Variants in NEO1 observed in about 807,000 individuals in gnomAD.
NEO1 encodes neogenin.
A neutral mutation model predicts 159.7 loss-of-function variants in NEO1; 63 were observed. That is an observed-to-expected ratio of 0.39 (90% CI 0.32 to 0.49). The LOEUF is 0.49. Ranked by LOEUF, NEO1 falls within the 20% of genes least tolerant of loss-of-function variation. NEO1 has a pLI of 0.85. For synonymous variants in NEO1, 633 were observed against 662.0 expected, an observed-to-expected ratio of 0.96 and a Z score of 0.67; for missense variants, 1,615 against 1,831.0, an observed-to-expected ratio of 0.88 and a Z score of 2.15.
rs2037266131 is a variant in NEO1, at chr15:73,206,862, TG to T, written c.1291+28436del. 2.0e-5 allele frequency among the ~76,000 whole-genome samples: 3 copies of T among 152,116 alleles called. No individual in the cohort carries two copies. The South Asian group carries it at 6.2e-4, about 32-fold the overall frequency. Reference sequence around the variant, plus strand: ...GTGTGTGTGTGCGTGTGTGTGTGTGTGTGTTTAGAGAGACAGGGTTTCACTT... The same window carrying T: ...GTGTGTGTGTGCGTGTGTGTGTGTGTTGTTTAGAGAGACAGGGTTTCACTT... On this transcript the variant is annotated intron_variant, in intron 7 of 28. Coordinates refer to ENST00000261908, the MANE Select transcript of NEO1 (RefSeq NM_002499.4).
At chr15:73,248,654 C>T (rs570898381) in intron 9 of NEO1, among the ~76,000 whole-genome samples, 19 of 152,300 alleles carry the variant, frequency 1.2e-4, no homozygotes, top group African/African-American at 3.6e-4. Flanking sequence ...TTAGCACTTA[C>T]GACATTTTTT....
intron 22 of NEO1, among the ~76,000 whole-genome samples, chr15:73,282,294 G>A (rs1014764373): frequency 5.3e-5 from 8 of 151,750 alleles, no homozygotes; most frequent in Non-Finnish European, 1.2e-4. Flanking sequence ...CATATTTATC[G>A]TTTATCCCAT....
intron 23 of NEO1, among the ~76,000 whole-genome samples, chr15:73,285,739 A>C (rs2041919891): frequency 6.6e-6 from 1 of 152,150 alleles, no homozygotes; most frequent in Non-Finnish European, 1.5e-5. Context: ...TTAGCCCCTG[A>C]CTGGCAACAG....
At chr15:73,127,987 A>G (rs1253316130) in intron 4 of NEO1, among the ~76,000 whole-genome samples, 1 of 152,206 alleles carries the variant, frequency 6.6e-6, no homozygotes, top group Non-Finnish European at 1.5e-5. Flanking sequence ...TCAGTATCCA[A>G]GACGTAGAAA....
intron 3 of NEO1, among the ~76,000 whole-genome samples, chr15:73,124,895 A>G: frequency 6.6e-6 from 1 of 152,196 alleles, no homozygotes; most frequent in East Asian, 1.9e-4. Context: ...GAATTTGTTT[A>G]ATTGATTCTA....
chr15:73,185,914 T>C (rs544865090), intron 7 of NEO1, among the ~76,000 whole-genome samples: 1 of 152,018 alleles, frequency 6.6e-6, no homozygotes, highest in Non-Finnish European at 1.5e-5. Context: ...TTTGAATAGA[T>C]AATGGCCAAG....
intron 28 of NEO1, among the ~76,000 whole-genome samples, 193 bp from the exon 29 acceptor site, chr15:73,302,420 T>C (rs1374891808): frequency 6.6e-6 from 1 of 152,184 alleles, no homozygotes; most frequent in Non-Finnish European, 1.5e-5. Context: ...TTGTGCATTA[T>C]CAGGAAACGG....
chr15:73,215,298 G>A (rs930520214), intron 7 of NEO1, among the ~76,000 whole-genome samples: 2 of 151,832 alleles, frequency 1.3e-5, no homozygotes, highest in African/African-American at 2.4e-5. Context: ...TCTCTGGCTA[G>A]GACTTTCCAG....
intron 7 of NEO1, among the ~76,000 whole-genome samples, chr15:73,215,857 G>C (rs1046647090): frequency 1.3e-5 from 2 of 152,130 alleles, no homozygotes; most frequent in Non-Finnish European, 2.9e-5. Context: ...AAAAGGATTG[G>C]TACCAATTCT....
chr15:73,225,040 C>T (rs1347298898), intron 7 of NEO1, among the ~76,000 whole-genome samples: 5 of 152,122 alleles, frequency 3.3e-5, no homozygotes, highest in Non-Finnish European at 7.3e-5. Flanking sequence ...GATGTGGCTT[C>T]CTGAGAGCCA....
intron 1 of NEO1, among the ~76,000 whole-genome samples, chr15:73,081,767 G>T (rs1381258470): frequency 1.3e-5 from 2 of 151,744 alleles, no homozygotes; most frequent in African/African-American, 4.8e-5. Context: ...GTAGAGATAG[G>T]GTCTCACTAT....
intron 5 of NEO1, among the ~76,000 whole-genome samples, chr15:73,139,259 T>G (rs2415142): frequency 0.63 from 95,875 of 151,900 alleles, 31,760 homozygotes; most frequent in African/African-American, 0.84. Context: ...CGTTGGTCTT[T>G]GCAAAGACCA....
At chr15:73,274,044 T>G (rs1056104501) in intron 20 of NEO1, 39 bp downstream of exon 20, 7 of 1,581,120 alleles carry the variant, frequency 4.4e-6, no homozygotes, top group Non-Finnish European at 1.7e-6. Flanking sequence ...TGTGTGTCTC[T>G]TTAGTGGGGC....
At chr15:73,261,831 C>A (rs2040632504) in intron 15 of NEO1, among the ~76,000 whole-genome samples, 1 of 151,962 alleles carries the variant, frequency 6.6e-6, no homozygotes, top group African/African-American at 2.4e-5. Flanking sequence ...CTAGAATAGA[C>A]AATTTTTTTA....
intron 15 of NEO1, among the ~76,000 whole-genome samples, chr15:73,265,408 G>A (rs1017221229): frequency 6.6e-6 from 1 of 152,140 alleles, no homozygotes; most frequent in Non-Finnish European, 1.5e-5. Context: ...TAAAGGTCTG[G>A]TGCTCATAAG....
chr15:73,145,770 A>G (rs920052736), intron 5 of NEO1, among the ~76,000 whole-genome samples: 2 of 152,144 alleles, frequency 1.3e-5, no homozygotes, highest in African/African-American at 4.8e-5. Context: ...CCTCACACCA[A>G]TTAGGAAGAA....
At chr15:73,216,397 G>A (rs562197646) in intron 7 of NEO1, among the ~76,000 whole-genome samples, 1 of 152,220 alleles carries the variant, frequency 6.6e-6, no homozygotes, top group East Asian at 1.9e-4. Flanking sequence ...AAACATACAT[G>A]TGCATGTGTC....
In NEO1 at chr15:73,303,452, T is replaced by G. The variant is rs1051454152; in HGVS notation, c.*756T>G. On this transcript the variant is annotated 3_prime_UTR_variant, in exon 29 of 29. Coordinates refer to ENST00000261908, the MANE Select transcript of NEO1 (RefSeq NM_002499.4). ...TGAAATGTAACATTGAAAAGACTTG[T>G]TTGTTGCTTTCTGTGCAGTTTCAGT... 1 of 152,266 alleles carries G rather than the reference T, an allele frequency of 6.6e-6. No homozygotes were observed. The highest frequency in any genetic ancestry group is 6.6e-5 in the Admixed American group (1 of 15,250). The allele number at this position is 152,266 out of a possible 1,614,324, so 9.4% of individuals were successfully genotyped here.
Position 73,079,098 on chromosome 15 carries a change from T to C in NEO1, c.130+26293T>C, listed in dbSNP as rs372313675. ...AAGCTCTTTTTTAATTGTTCAGAGT[T>C]GTGTATGGCAAAGAGAATGCCCAAA... On this transcript the variant is annotated intron_variant, in intron 1 of 28. Transcript: ENST00000261908. 2.6e-5 allele frequency among the ~76,000 whole-genome samples: 4 copies of C among 152,312 alleles called. No homozygotes were observed. In the East Asian group the frequency reaches 5.8e-4, roughly 22 times the overall value.
Sources: allele counts gnomAD v4.1 joint callset (sites outside exome capture counted in the v4.1 genomes callset), GRCh38; gene constraint gnomAD v4.1.1; transcripts MANE v1.5; gene names NCBI Gene and HGNC (gene_info 2026-07-23, HGNC 2026-07-21).